The following DLG2 variants were observed in gnomAD, a reference collection of about 807,000 sequenced individuals.
The protein encoded by DLG2 is disks large homolog 2.
A neutral mutation model predicts 132.5 loss-of-function variants in DLG2; 45 were observed. That is an observed-to-expected ratio of 0.34 (90% confidence interval 0.27 to 0.44). The LOEUF is 0.44. Among genes scored for constraint, DLG2 ranks in the 20% least tolerant of loss-of-function variants. The pLI, the probability that DLG2 is intolerant of heterozygous loss-of-function variation, is 1.00. For missense variants in DLG2, 1,045 were observed against 1,196.9 expected, an observed-to-expected ratio of 0.87 and a Z score of 1.87; for synonymous variants, 424 against 419.6, an observed-to-expected ratio of 1.01 and a Z score of -0.13.
chr11:85,372,806 AG>A (rs2085092225), intron 3 of DLG2, among the ~76,000 whole-genome samples: 1 of 151,556 alleles, frequency 6.6e-6, no homozygotes, highest in Non-Finnish European at 1.5e-5. Context: ...AGGATGGAAG[AG>A]GGAAAGTGGA....
intron 18 of DLG2, among the ~76,000 whole-genome samples, chr11:83,750,304 G>T (rs572528158): frequency 2.0e-5 from 3 of 152,124 alleles, no homozygotes; most frequent in Non-Finnish European, 4.4e-5. Flanking sequence ...TAATGACCAC[G>T]TATAATACTA....
intron 6 of DLG2, among the ~76,000 whole-genome samples, chr11:84,554,621 C>T (rs2099408322): frequency 6.6e-6 from 1 of 152,036 alleles, no homozygotes; most frequent in African/African-American, 2.4e-5. Context: ...TGGCGCATGC[C>T]TGTAATCTCA....
At chr11:83,891,841 T>C (rs538552950) in intron 15 of DLG2, among the ~76,000 whole-genome samples, 1 of 152,316 alleles carries the variant, frequency 6.6e-6, no homozygotes, top group Admixed American at 6.5e-5. Flanking sequence ...TCCAAATAAA[T>C]GTAGGATGTT....
chr11:84,240,205 A>T (rs2097208567), intron 8 of DLG2, among the ~76,000 whole-genome samples: 1 of 152,226 alleles, frequency 6.6e-6, no homozygotes, highest in Non-Finnish European at 1.5e-5. Flanking sequence ...GTGCAAGGGC[A>T]ACCCCCAAGG....
intron 3 of DLG2, among the ~76,000 whole-genome samples, chr11:85,462,601 T>C (rs997761267): frequency 6.7e-6 from 1 of 149,476 alleles, no homozygotes; most frequent in African/African-American, 2.5e-5. Context: ...AATTGAACAA[T>C]GAGAACACAT....
intron 9 of DLG2, among the ~76,000 whole-genome samples, chr11:84,158,860 AGAACTACC>A (rs1348483881): frequency 1.3e-5 from 2 of 152,234 alleles, no homozygotes; most frequent in Admixed American, 1.3e-4. Context: ...AATTCTTGTG[AGAACTACC>A]ATGTTAACCA....
At chr11:83,747,310 TCC>T (rs2092985927) in intron 18 of DLG2, among the ~76,000 whole-genome samples, 1 of 149,204 alleles carries the variant, frequency 6.7e-6, no homozygotes, top group African/African-American at 2.5e-5. Flanking sequence ...CTTCCTTCCT[TCC>T]TTCCTTCCTT....
intron 6 of DLG2, among the ~76,000 whole-genome samples, chr11:84,700,381 T>C (rs1198889102): frequency 6.6e-6 from 1 of 151,606 alleles, no homozygotes; most frequent in Non-Finnish European, 1.5e-5. Context: ...TTCAGTTTCA[T>C]GGGCATGTAA....
At chr11:84,739,692 T>G (rs1032413529) in intron 6 of DLG2, among the ~76,000 whole-genome samples, 2 of 152,158 alleles carry the variant, frequency 1.3e-5, no homozygotes, top group Non-Finnish European at 2.9e-5. Flanking sequence ...GACTGTTGAT[T>G]AGAATTTCCA....
At chr11:84,268,087 T>C (rs2097666928) in intron 7 of DLG2, among the ~76,000 whole-genome samples, 1 of 152,230 alleles carries the variant, frequency 6.6e-6, no homozygotes, top group Non-Finnish European at 1.5e-5. Context: ...AGTAACATAC[T>C]CTCATTTCAT....
intron 7 of DLG2, among the ~76,000 whole-genome samples, chr11:84,461,728 A>T (rs145707940): frequency 6.6e-5 from 10 of 151,076 alleles, no homozygotes; most frequent in African/African-American, 2.4e-4. Context: ...GGGCTTCAGC[A>T]CAACTGTATT....
chr11:84,000,476 C>A (rs2094288697), intron 11 of DLG2, among the ~76,000 whole-genome samples: 1 of 151,842 alleles, frequency 6.6e-6, no homozygotes, highest in Admixed American at 6.6e-5. Flanking sequence ...GAAAACTTCC[C>A]AAGTCTAGCA....
At chr11:85,268,463 G>A (rs1003811174) in intron 4 of DLG2, among the ~76,000 whole-genome samples, 17 of 152,130 alleles carry the variant, frequency 1.1e-4, no homozygotes, top group African/African-American at 4.1e-4. Context: ...TCTCTAAAAT[G>A]TATAAAGCTA....
At chr11:85,357,220 T>C (rs1487933816) in intron 3 of DLG2, among the ~76,000 whole-genome samples, 1 of 149,554 alleles carries the variant, frequency 6.7e-6, no homozygotes, top group East Asian at 2.0e-4. Context: ...ACCTATCAGA[T>C]TCCTTTCAAT....
At chr11:84,613,413 T>C (rs183159652) in intron 6 of DLG2, among the ~76,000 whole-genome samples, 135 of 151,970 alleles carry the variant, frequency 8.9e-4, no homozygotes, top group African/African-American at 3.1e-3. Flanking sequence ...GAGGAGAGAA[T>C]TGCTGACTCT....
At chr11:84,129,864 C>A (rs532134667) in intron 9 of DLG2, among the ~76,000 whole-genome samples, 1 of 152,022 alleles carries the variant, frequency 6.6e-6, no homozygotes, top group African/African-American at 2.4e-5. Context: ...CAATAAAGGA[C>A]TAAATTTCTA....
At chr11:84,258,447 CAAT>C (rs2097508069) in intron 7 of DLG2, among the ~76,000 whole-genome samples, 1 of 151,962 alleles carries the variant, frequency 6.6e-6, no homozygotes, top group Admixed American at 6.6e-5. Context: ...ACAAGAATAA[CAAT>C]AATAAAGTAT....
intron 16 of DLG2, among the ~76,000 whole-genome samples, chr11:83,852,033 G>A (rs373079319): frequency 6.6e-6 from 1 of 152,120 alleles, no homozygotes; most frequent in African/African-American, 2.4e-5. Flanking sequence ...AGGAACACTC[G>A]AGGTTGCTGG....
chr11:85,594,462 A>G (rs1489990021), intron 3 of DLG2, among the ~76,000 whole-genome samples: 1 of 152,124 alleles, frequency 6.6e-6, no homozygotes, highest in East Asian at 1.9e-4. Flanking sequence ...TTTCCCTCTA[A>G]TTCCTCTCCA....
Sources: allele counts gnomAD v4.1 joint callset (sites outside exome capture counted in the v4.1 genomes callset), GRCh38; gene constraint gnomAD v4.1.1; transcripts MANE v1.5; gene names NCBI Gene and HGNC (gene_info 2026-07-23, HGNC 2026-07-21).